Variants in FBN1 observed in about 807,000 individuals in gnomAD.
FBN1 encodes the protein fibrillin 1.
FBN1 carries 29 observed loss-of-function variants against 365.1 expected under a neutral mutation model. That is an observed-to-expected ratio of 0.08 (90% CI 0.06 to 0.11). The LOEUF is 0.11. Among genes scored for constraint, FBN1 ranks in the 10% least tolerant of loss-of-function variants. The probability of loss-of-function intolerance (pLI) is 1.00; values close to 1 mark genes in which losing one functional copy is unlikely to be tolerated. For missense variants in FBN1, 2,476 were observed against 3,703.2 expected (o/e 0.67, Z 8.60); for synonymous variants, 1,210 against 1,270.5 (o/e 0.95, Z 1.01).
intron 2 of FBN1, among the ~76,000 whole-genome samples, chr15:48,639,367 T>C (rs1397385807): frequency 6.6e-6 from 1 of 152,146 alleles, no homozygotes; most frequent in Non-Finnish European, 1.5e-5. Context: ...CTTAGTAACA[T>C]ATAGATGTTA....
At position 48,539,667 on chromosome 15, in the gene FBN1, T is replaced by C. The variant is rs77378519; in HGVS notation, c.539-1859A>G. Among the ~76,000 whole-genome samples the C allele has an allele frequency of 0.022, 3,319 of 152,228 alleles. 227 individuals are homozygous for C. In the East Asian group the frequency reaches 0.24, roughly 11 times the overall value. ...CAGGTCAAAAATTGTGTGAGTGATATCTACATGCAACCAGACTCACCATGC... is the reference window on the plus strand; with the variant it reads ...CAGGTCAAAAATTGTGTGAGTGATACCTACATGCAACCAGACTCACCATGC... On this transcript the variant is annotated intron_variant, in intron 6 of 65. Transcript: ENST00000316623.
At position 48,452,483 on chromosome 15, in the gene FBN1, G is replaced by A. The variant is rs1157141414; in HGVS notation, c.5545+79C>T. On this transcript the variant is annotated intron_variant, in intron 45 of 65. Coordinates refer to ENST00000316623, the MANE Select transcript of FBN1 (RefSeq NM_000138.5). Reference sequence around the variant, plus strand: ...CATATATTCTTCAGCTTAACTATCTGAAAATAAATCCAGATATCTGAAGCT... The same window carrying A: ...CATATATTCTTCAGCTTAACTATCTAAAAATAAATCCAGATATCTGAAGCT... 5 of 1,539,084 alleles carry A rather than the reference G, an allele frequency of 3.2e-6. No individual in the cohort carries two copies. In the African/African-American group the frequency reaches 6.8e-5, roughly 21 times the overall value.
At chr15:48,538,435 T>C (rs573561676) in intron 6 of FBN1, among the ~76,000 whole-genome samples, 1 of 152,234 alleles carries the variant, frequency 6.6e-6, no homozygotes, top group East Asian at 1.9e-4. Context: ...GCAAAACACA[T>C]TAGGTTTTAA....
chr15:48,465,557 G>T lies in FBN1; in HGVS notation c.4942+11C>A. 1 of 1,613,810 alleles carries T rather than the reference G, an allele frequency of 6.2e-7. No homozygotes were observed. The highest frequency in any genetic ancestry group is 1.1e-5 in the South Asian group (1 of 91,068). On this transcript the variant is annotated intron_variant, in intron 40 of 65. Coordinates refer to ENST00000316623, the MANE Select transcript of FBN1 (RefSeq NM_000138.5). ...TCTGCAAGACCTTATCATCCTACCA[G>T]GACCATTTACCATCACACACTCGTG...
At chr15:48,449,741 G>T (rs2043186239) in intron 45 of FBN1, among the ~76,000 whole-genome samples, 1 of 152,184 alleles carries the variant, frequency 6.6e-6, no homozygotes, top group Non-Finnish European at 1.5e-5. Flanking sequence ...TACTGTCACA[G>T]AAGAAAGCAA....
chr15:48,594,593 T>C (rs779677379), intron 6 of FBN1, among the ~76,000 whole-genome samples: 1 of 152,204 alleles, frequency 6.6e-6, no homozygotes, highest in Non-Finnish European at 1.5e-5. Context: ...TTCTTAATCT[T>C]GGACAAAGAT....
At chr15:48,575,573 A>G (rs2044339955) in intron 6 of FBN1, among the ~76,000 whole-genome samples, 1 of 152,064 alleles carries the variant, frequency 6.6e-6, no homozygotes, top group Non-Finnish European at 1.5e-5. Flanking sequence ...TGTTTAGCTC[A>G]CACTTATAAG....
In FBN1 at chr15:48,431,803, C is replaced by T. The variant is rs115046672; in HGVS notation, c.6740-1001G>A. On this transcript the variant is annotated intron_variant, in intron 55 of 65. Transcript: ENST00000316623. ...CCAAGTAGGTGAGATTACAAGAATG[C>T]GCCATCACGCCAGCTAATTTTTTGT... Among the ~76,000 whole-genome samples, 968 of 152,044 alleles carry T rather than the reference C, an allele frequency of 6.4e-3. 10 individuals are homozygous for T. The highest frequency in any genetic ancestry group is 0.021 in the African/African-American group (863 of 41,488).
At chr15:48,430,636 T>G (rs749780534) in intron 56 of FBN1, 35 bp downstream of exon 56, 1 of 1,612,872 alleles carries the variant, frequency 6.2e-7, no homozygotes, top group Non-Finnish European at 8.5e-7. Context: ...TCACTTCTGA[T>G]GCACTCAAAG....
Position 48,591,446 on chromosome 15 carries a change from A to G in FBN1, c.538+4837T>C, listed in dbSNP as rs1334332257. On this transcript the variant is annotated intron_variant, in intron 6 of 65. Coordinates refer to ENST00000316623, the MANE Select transcript of FBN1 (RefSeq NM_000138.5). ...CATGATAACTGCACTAAATGACAATATTCATTCCATATGTCTACTTCCAGG... is the reference window on the plus strand; with the variant it reads ...CATGATAACTGCACTAAATGACAATGTTCATTCCATATGTCTACTTCCAGG... Among the ~76,000 whole-genome samples, 3 of 152,208 alleles carry G rather than the reference A, an allele frequency of 2.0e-5. No individual in the cohort carries two copies. In the East Asian group the frequency reaches 5.8e-4, roughly 29 times the overall value.
chr15:48,454,290 C>T (rs2043223076), intron 44 of FBN1, among the ~76,000 whole-genome samples: 2 of 152,144 alleles, frequency 1.3e-5, no homozygotes, highest in Admixed American at 1.3e-4. Context: ...CAAATTACTA[C>T]CACAAGGCAA....
At chr15:48,456,869 T>TGTGTGTGTGTGTGTGC (rs371116530) in intron 43 of FBN1, 107 bp from the exon 44 acceptor site, 35 of 1,086,584 alleles carry the variant, frequency 3.2e-5, no homozygotes, top group African/African-American at 2.6e-4. Context: ...TGTGTGTGTG[T>TGTGTGTGTGTGTGTGC]GTGCGTGCAT....
chr15:48,449,474 C>T (rs1419098757), intron 45 of FBN1, among the ~76,000 whole-genome samples: 4 of 152,194 alleles, frequency 2.6e-5, no homozygotes. Context: ...AACCTGAACA[C>T]TGTCTCTTTC....
At chr15:48,594,085 T>TCTA (rs1217277503) in intron 6 of FBN1, among the ~76,000 whole-genome samples, 1 of 152,096 alleles carries the variant, frequency 6.6e-6, no homozygotes, top group African/African-American at 2.4e-5. Flanking sequence ...CGAACATACA[T>TCTA]CTAAGTAAGA....
rs8030753 is a variant in FBN1, at chr15:48,509,738, C to T, written c.1714+306G>A. ...GATAATACACAGACTTAGGTGTGTC[C>T]TATTTTTAAAAAATGTACAAATTCT... On this transcript the variant is annotated intron_variant, in intron 14 of 65. Transcript: ENST00000316623. Among the ~76,000 whole-genome samples, 22,948 of 151,624 alleles carry T rather than the reference C, an allele frequency of 0.15. 1,895 individuals carry two copies. Among genetic ancestry groups the T allele is most frequent in the East Asian group, 0.36 (1,838 of 5,148 alleles).
intron 49 of FBN1, among the ~76,000 whole-genome samples, 167 bp from the exon 50 acceptor site, chr15:48,442,013 T>C (rs575027355): frequency 1.3e-5 from 2 of 152,360 alleles, no homozygotes; most frequent in South Asian, 4.1e-4. Context: ...TAGGTTGTCA[T>C]GACTTCAAAA....
chr15:48,529,547 C>A (rs2043949342), intron 8 of FBN1: 1 of 152,222 alleles, frequency 6.6e-6, no homozygotes. Flanking sequence ...TCTAGAAGCT[C>A]CATCCAAGAT....
rs1043235195 is a variant in FBN1 at position 48,487,315 on chromosome 15, T to A, written c.3460A>T (p.Ile1154Phe). 1 of 1,614,208 alleles carries A rather than the reference T, an allele frequency of 6.2e-7. No homozygotes were observed. The highest frequency in any genetic ancestry group is 8.5e-7 in the Non-Finnish European group (1 of 1,180,034). The stretch of plus-strand genomic sequence containing the variant: ...GTGTGAAAGTCTTTCTCCTTACCGA[T>A]ACACGCGGAGATGTTGGGGGACAGC... Reference protein sequence around the residue: ...HQLSPNISACIDINECELSAH... With the variant: ...HQLSPNISACFDINECELSAH... The change falls in exon 28 of 66, where the codon ATC becomes TTC. Residue 1154 changes from isoleucine (I) to phenylalanine (F), a missense_variant. Transcript: ENST00000316623.
rs1164148470 is a variant in FBN1 at position 48,410,501 on chromosome 15, T to C, written c.*489A>G. ...TTAATGAAGTATTGGAACTGAATAC[T>C]TGTAATTTGGTTTCTAAGTTGTGTA... On this transcript the variant is annotated 3_prime_UTR_variant, in exon 66 of 66. Coordinates refer to ENST00000316623, the MANE Select transcript of FBN1 (RefSeq NM_000138.5). The C allele has an allele frequency of 6.2e-6, 1 of 162,378 alleles. No individual in the cohort carries two copies. Among genetic ancestry groups the C allele is most frequent in the African/African-American group, 2.4e-5 (1 of 41,530 alleles). 10.1% of individuals were successfully genotyped at this position (162,378 alleles called of 1,614,324 possible).
Sources: gnomAD v4.1 joint callset for allele counts (sites outside exome capture counted in the v4.1 genomes callset) on GRCh38, gnomAD v4.1.1 for gene constraint, MANE v1.5 for transcripts, NCBI Gene and HGNC (gene_info 2026-07-23, HGNC 2026-07-21) for gene names.